ST6GALNAC3: variants seen among roughly 807,000 people sequenced by gnomAD.
ST6GALNAC3 encodes ST6 N-acetylgalactosaminide alpha-2,6-sialyltransferase 3.
In ST6GALNAC3, 25 loss-of-function variants were observed where a neutral mutation model predicts 32.7. The observed-to-expected ratio is 0.76, with a 90% confidence interval of 0.56 to 1.07. ST6GALNAC3 has a LOEUF of 1.07. ST6GALNAC3 is among the 50% of genes least tolerant of loss of function. ST6GALNAC3 has a pLI of 0.00. For missense variants in ST6GALNAC3, 355 were observed against 382.4 expected, an observed-to-expected ratio of 0.93 and a Z score of 0.60; for synonymous variants, 129 against 133.1, an observed-to-expected ratio of 0.97 and a Z score of 0.21.
chr1:76,610,466 A>C (rs982879163), intron 3 of ST6GALNAC3, among the ~76,000 whole-genome samples: 6 of 152,120 alleles, frequency 3.9e-5, no homozygotes, highest in Non-Finnish European at 7.4e-5. Context: ...AAATGATAGA[A>C]TCCCAGGCAG....
intron 3 of ST6GALNAC3, among the ~76,000 whole-genome samples, chr1:76,596,664 C>T (rs1240689070): frequency 6.6e-6 from 1 of 152,118 alleles, no homozygotes; most frequent in Non-Finnish European, 1.5e-5. Flanking sequence ...GTAGGGATTG[C>T]TAACAAGTGA....
At chr1:76,604,075 C>T (rs1295220719) in intron 3 of ST6GALNAC3, among the ~76,000 whole-genome samples, 2 of 152,022 alleles carry the variant, frequency 1.3e-5, no homozygotes, top group East Asian at 1.9e-4. Context: ...CTTGCAAAGT[C>T]GCAGTCCTTT....
intron 3 of ST6GALNAC3, among the ~76,000 whole-genome samples, chr1:76,526,283 A>T (rs1662906886): frequency 6.6e-6 from 1 of 152,048 alleles, no homozygotes; most frequent in African/African-American, 2.4e-5. Flanking sequence ...TCAAACAGTG[A>T]CCTATGGAAT....
chr1:76,357,583 G>A (rs530772533), intron 2 of ST6GALNAC3, among the ~76,000 whole-genome samples: 3 of 152,270 alleles, frequency 2.0e-5, no homozygotes, highest in South Asian at 4.1e-4. Flanking sequence ...AAGCTTGACA[G>A]AAATCATCAC....
chr1:76,605,922 A>G (rs1195006772), intron 3 of ST6GALNAC3, among the ~76,000 whole-genome samples: 2 of 150,176 alleles, frequency 1.3e-5, no homozygotes, highest in Non-Finnish European at 3.0e-5. Flanking sequence ...GACATTTCTC[A>G]AAAGAAGACT....
At position 76,629,784 on chromosome 1, in the gene ST6GALNAC3, T is replaced by C; in HGVS notation, c.*978T>C. Reference sequence around the variant, plus strand: ...TACATCAATTTGTATCCTATCATACTTCATAATATATATTTGTATATTCAA... The same window carrying C: ...TACATCAATTTGTATCCTATCATACCTCATAATATATATTTGTATATTCAA... On this transcript the variant is annotated 3_prime_UTR_variant, in exon 5 of 5. Transcript: ENST00000328299. 1.0e-6 allele frequency: 1 copy of C among 971,786 alleles called. No homozygotes were observed. The highest frequency in any genetic ancestry group is 1.2e-6 in the Non-Finnish European group (1 of 817,250). The allele number at this position is 971,786 out of a possible 1,614,324, so 60.2% of individuals were successfully genotyped here.
chr1:76,564,784 A>G (rs1411825453), intron 3 of ST6GALNAC3, among the ~76,000 whole-genome samples: 1 of 151,846 alleles, frequency 6.6e-6, no homozygotes, highest in Non-Finnish European at 1.5e-5. Context: ...ACGGGGTTTC[A>G]CCGTTAGCCA....
intron 1 of ST6GALNAC3, among the ~76,000 whole-genome samples, chr1:76,310,393 G>A (rs978460136): frequency 4.6e-5 from 7 of 152,170 alleles, no homozygotes; most frequent in African/African-American, 9.7e-5. Context: ...AATGAGGTAA[G>A]GCTGTGGTAG....
intron 2 of ST6GALNAC3, among the ~76,000 whole-genome samples, chr1:76,371,448 A>G (rs1471166883): frequency 1.3e-5 from 2 of 152,182 alleles, no homozygotes; most frequent in African/African-American, 4.8e-5. Flanking sequence ...TCCTAGAAAA[A>G]AGTGACAACT....
At chr1:76,334,664 G>A (rs1200881687) in intron 2 of ST6GALNAC3, among the ~76,000 whole-genome samples, 1 of 152,234 alleles carries the variant, frequency 6.6e-6, no homozygotes, top group Non-Finnish European at 1.5e-5. Context: ...CAGGTAATAA[G>A]TTACAGTGAT....
chr1:76,086,967 C>T (rs1043328562), intron 1 of ST6GALNAC3, among the ~76,000 whole-genome samples: 5 of 152,208 alleles, frequency 3.3e-5, no homozygotes, highest in African/African-American at 9.6e-5. Context: ...AGTACCTGAA[C>T]CATTGCCACT....
intron 3 of ST6GALNAC3, among the ~76,000 whole-genome samples, chr1:76,466,794 T>C (rs1260772116): frequency 6.6e-6 from 1 of 152,084 alleles, no homozygotes; most frequent in Non-Finnish European, 1.5e-5. Flanking sequence ...TGGCAACGTT[T>C]AAAATTTTGT....
intron 3 of ST6GALNAC3, among the ~76,000 whole-genome samples, chr1:76,558,420 T>C (rs887471608): frequency 3.3e-5 from 5 of 152,050 alleles, no homozygotes; most frequent in African/African-American, 1.2e-4. Context: ...TAAAAAATAA[T>C]GAAATATTGC....
intron 1 of ST6GALNAC3, among the ~76,000 whole-genome samples, chr1:76,313,474 G>A (rs1314248736): frequency 6.6e-6 from 1 of 152,080 alleles, no homozygotes; most frequent in Non-Finnish European, 1.5e-5. Context: ...GGAGGGGATT[G>A]AGCAATTAGA....
chr1:76,525,805 A>ATACATATATATATATATATACG (rs1557528963), intron 3 of ST6GALNAC3, among the ~76,000 whole-genome samples: 62 of 83,070 alleles, frequency 7.5e-4, no homozygotes, highest in African/African-American at 2.7e-3. Flanking sequence ...ATATATATAT[A>ATACATATATATATATATATACG]TATATATATA....
chr1:76,595,963 T>C (rs1397371455), intron 3 of ST6GALNAC3, among the ~76,000 whole-genome samples: 2 of 147,548 alleles, frequency 1.4e-5, no homozygotes, highest in East Asian at 3.9e-4. Context: ...TGAGTAGCAG[T>C]GACTGAGTTT....
chr1:76,291,238 T>G (rs140908871), intron 1 of ST6GALNAC3, among the ~76,000 whole-genome samples: 119 of 152,362 alleles, frequency 7.8e-4, no homozygotes, highest in African/African-American at 2.8e-3. Context: ...TCGAAAGGGT[T>G]TCTTAATTAA....
intron 1 of ST6GALNAC3, among the ~76,000 whole-genome samples, chr1:76,101,612 T>C (rs554620109): frequency 6.6e-6 from 1 of 152,212 alleles, no homozygotes; most frequent in Non-Finnish European, 1.5e-5. Context: ...CTACTTTCTT[T>C]TGTTTAAATT....
chr1:76,112,151 T>A (rs1055724980), intron 1 of ST6GALNAC3, among the ~76,000 whole-genome samples: 1 of 140,260 alleles, frequency 7.1e-6, no homozygotes, highest in Non-Finnish European at 1.6e-5. Flanking sequence ...ACAGGGCGGC[T>A]GGCCGGGCAG....
Sources: gnomAD v4.1 joint callset for allele counts (sites outside exome capture counted in the v4.1 genomes callset) on GRCh38, gnomAD v4.1.1 for gene constraint, MANE v1.5 for transcripts, NCBI Gene and HGNC (gene_info 2026-07-23, HGNC 2026-07-21) for gene names.